Variants in HDAC9 observed in about 807,000 individuals in gnomAD.
HDAC9 encodes histone deacetylase 9, also known as MEF-2 interacting transcription repressor (MITR) protein.
A neutral mutation model predicts 139.4 loss-of-function variants in HDAC9; 41 were observed. That is an observed-to-expected ratio of 0.29 (90% CI 0.23 to 0.38). The LOEUF (loss-of-function observed/expected upper bound fraction) is 0.38, where lower values mean the gene tolerates loss of function less well. HDAC9 is among the 10% of genes least tolerant of loss of function. The probability of loss-of-function intolerance (pLI) is 1.00; values close to 1 mark genes in which losing one functional copy is unlikely to be tolerated. For synonymous variants in HDAC9, 517 were observed against 476.2 expected (o/e 1.09, Z -1.12); for missense variants, 1,147 against 1,297.0 (o/e 0.88, Z 1.78).
In HDAC9 at chr7:18,803,039, A is replaced by G. The variant is rs116252124; in HGVS notation, c.2322+9587A>G. ...TTATTTTGTTTTTTCTTTTTGTTCC[A>G]TTATTGGTTTGTCCCCTTACTTTCA... On this transcript the variant is annotated intron_variant, in intron 17 of 25. Transcript: ENST00000686413. Among the ~76,000 whole-genome samples the G allele has an allele frequency of 9.8e-3, 1,481 of 151,670 alleles. 15 individuals are homozygous for G. The highest frequency in any genetic ancestry group is 0.026 in the African/African-American group (1,093 of 41,446).
intron 1 of HDAC9, among the ~76,000 whole-genome samples, chr7:18,414,137 G>A (rs1028388427): frequency 6.6e-6 from 1 of 151,774 alleles, no homozygotes; most frequent in Non-Finnish European, 1.5e-5. Flanking sequence ...TAAAAGACAT[G>A]GTTATTTATA....
intron 1 of HDAC9, among the ~76,000 whole-genome samples, chr7:18,447,201 A>G (rs553374288): frequency 1.3e-5 from 2 of 152,338 alleles, no homozygotes; most frequent in East Asian, 1.9e-4. Context: ...AAAACAAAAA[A>G]TAACAGAGAG....
chr7:18,700,385 C>T (rs920227231), intron 12 of HDAC9, among the ~76,000 whole-genome samples: 2 of 152,188 alleles, frequency 1.3e-5, no homozygotes, highest in Non-Finnish European at 2.9e-5. Flanking sequence ...ATAACGGTGA[C>T]AATGCGACTG....
In HDAC9 at chr7:18,811,476, T is replaced by C. The variant is rs545537098; in HGVS notation, c.2323-17685T>C. On this transcript the variant is annotated intron_variant, in intron 17 of 25. Transcript: ENST00000686413. ...TTGTCTGATTTTCTCTTTGAGTTCTTTTTTGACACGTGAGTTATTTTAAAG... is the reference window on the plus strand; with the variant it reads ...TTGTCTGATTTTCTCTTTGAGTTCTCTTTTGACACGTGAGTTATTTTAAAG... Among the ~76,000 whole-genome samples the C allele has an allele frequency of 2.6e-5, 4 of 151,928 alleles. 1 individual carries two copies. The highest frequency in any genetic ancestry group is 9.6e-5 in the African/African-American group (4 of 41,538).
At chr7:18,339,073 T>G (rs564116707) in intron 1 of HDAC9, among the ~76,000 whole-genome samples, 1 of 151,684 alleles carries the variant, frequency 6.6e-6, no homozygotes, top group South Asian at 2.1e-4. Context: ...TCTCTTATTA[T>G]GCTTTGAGTA....
rs189001503 is a variant in HDAC9 at position 18,232,772 on chromosome 7, C to A, written c.25+70423C>A. Among the ~76,000 whole-genome samples the A allele has an allele frequency of 2.6e-3, 397 of 152,276 alleles. 1 individual carries two copies. Among genetic ancestry groups the A allele is most frequent in the African/African-American group, 8.9e-3 (372 of 41,566 alleles). ...GTTGTTGACCCCAAATACTGTAGAG[C>A]CAGGTTGAGTTACTGTCAGCATTCT... On this transcript the variant is annotated intron_variant, in intron 2 of 12. Coordinates refer to the HDAC9 transcript ENST00000417496.
intron 17 of HDAC9, among the ~76,000 whole-genome samples, chr7:18,809,867 A>C (rs1359945260): frequency 6.6e-6 from 1 of 151,988 alleles, no homozygotes; most frequent in African/African-American, 2.4e-5. Flanking sequence ...CCAACTTCTG[A>C]ATATTCATAC....
At position 18,180,800 on chromosome 7, in the gene HDAC9, C is replaced by A. The variant is rs991586605; in HGVS notation, c.25+18451C>A. Among the ~76,000 whole-genome samples the A allele has an allele frequency of 5.9e-5, 9 of 152,168 alleles. No individual in the cohort carries two copies. The East Asian group carries it at 1.7e-3, about 29-fold the overall frequency. On this transcript the variant is annotated intron_variant, in intron 2 of 12. Transcript: ENST00000417496. ...TGTATTTTCTCACAGTTCCAGAAGC[C>A]AGAAGTCCAAAATCAGTTTCACTGG... is the stretch of plus-strand genomic sequence containing the variant.
intron 1 of HDAC9, among the ~76,000 whole-genome samples, chr7:18,150,795 C>G (rs1286172670): frequency 1.3e-5 from 2 of 152,190 alleles, no homozygotes; most frequent in East Asian, 1.9e-4. Context: ...TTAAGTGCAT[C>G]TTTTATGCCC....
rs139743825 is a variant in HDAC9, at chr7:18,149,260, C to T, written c.-96-12969C>T. ...TTGTTCTTTGTTTTGTTTTCTTACT[C>T]GTTTATACATAAGAAAAAAGAAAAG... is the stretch of plus-strand genomic sequence containing the variant. On this transcript the variant is annotated intron_variant, in intron 1 of 12. Transcript: ENST00000417496. Among the ~76,000 whole-genome samples, 1,381 of 150,200 alleles carry T rather than the reference C, an allele frequency of 9.2e-3. 21 individuals are homozygous for T. The highest frequency in any genetic ancestry group is 0.032 in the African/African-American group (1,306 of 40,894).
At chr7:18,219,489 T>C (rs1223581695) in intron 2 of HDAC9, among the ~76,000 whole-genome samples, 1 of 151,904 alleles carries the variant, frequency 6.6e-6, no homozygotes, top group African/African-American at 2.4e-5. Flanking sequence ...AGTGAGAAGA[T>C]GCTTTTTTTT....
chr7:18,407,320 A>C (rs1466510322), intron 1 of HDAC9, among the ~76,000 whole-genome samples: 5 of 152,182 alleles, frequency 3.3e-5, no homozygotes. Flanking sequence ...ATGTTATTTG[A>C]ACATCTCTGC....
intron 2 of HDAC9, among the ~76,000 whole-genome samples, chr7:18,202,673 T>G (rs76325982): frequency 0.038 from 5,756 of 152,320 alleles, 147 homozygotes; most frequent in South Asian, 0.084. Context: ...AAATCATGAT[T>G]ATTAAGATGA....
At chr7:18,496,544 A>T (rs1229480443) in intron 2 of HDAC9, 1 of 535,266 alleles carries the variant, frequency 1.9e-6, no homozygotes, top group Non-Finnish European at 3.3e-6. Context: ...ATGAAATTGC[A>T]AACTATTGCT....
At chr7:18,585,814 C>T (rs536558658) in intron 3 of HDAC9, among the ~76,000 whole-genome samples, 4 of 151,934 alleles carry the variant, frequency 2.6e-5, no homozygotes, top group Non-Finnish European at 5.9e-5. Flanking sequence ...TGTTCATTTG[C>T]CCCATCTGCT....
chr7:18,169,601 C>G (rs544000579), intron 2 of HDAC9, among the ~76,000 whole-genome samples: 1 of 152,140 alleles, frequency 6.6e-6, no homozygotes, highest in South Asian at 2.1e-4. Flanking sequence ...CTAATGCTAT[C>G]CCTCCCCCTG....
At chr7:18,708,009 T>G (rs190597362) in intron 12 of HDAC9, among the ~76,000 whole-genome samples, 76 of 152,142 alleles carry the variant, frequency 5.0e-4, no homozygotes, top group African/African-American at 1.8e-3. Flanking sequence ...ATGGAGCACA[T>G]CCCTAAGGGA....
chr7:18,917,024 G>A (rs1803269781), intron 22 of HDAC9, among the ~76,000 whole-genome samples: 2 of 152,020 alleles, frequency 1.3e-5, no homozygotes, highest in South Asian at 4.1e-4. Context: ...CATTCTGAGA[G>A]TATATTGTGC....
chr7:18,699,657 G>A (rs1025789223), intron 12 of HDAC9, among the ~76,000 whole-genome samples: 14 of 151,984 alleles, frequency 9.2e-5, no homozygotes, highest in African/African-American at 2.9e-4. Flanking sequence ...TTCATTGTCT[G>A]TTATTTGGTC....
Sources: gnomAD v4.1 joint callset for allele counts (sites outside exome capture counted in the v4.1 genomes callset) on GRCh38, gnomAD v4.1.1 for gene constraint, MANE v1.5 for transcripts, NCBI Gene and HGNC (gene_info 2026-07-23, HGNC 2026-07-21) for gene names.